The following EIF4G3 variants were observed in gnomAD, a reference collection of about 807,000 sequenced individuals.
EIF4G3 encodes eukaryotic translation initiation factor 4 gamma 3.
EIF4G3 carries 34 observed loss-of-function variants against 186.4 expected under a neutral mutation model. The ratio of observed to expected loss-of-function variants is 0.18; its 90% CI spans 0.14 to 0.24. The LOEUF is 0.24. Among genes scored for constraint, EIF4G3 ranks in the 10% least tolerant of loss-of-function variants. The probability of loss-of-function intolerance (pLI) is 1.00; values close to 1 mark genes in which losing one functional copy is unlikely to be tolerated. For synonymous variants in EIF4G3, 673 were observed against 679.5 expected (o/e 0.99, Z 0.15); for missense variants, 1,536 against 1,948.5 (o/e 0.79, Z 3.99).
rs1414242065 is a variant in EIF4G3, at chr1:21,129,183, C to T, written c.-271-39970G>A. On this transcript the variant is annotated intron_variant, in intron 2 of 36. Transcript: ENST00000602326. ...CAAAAAAATTAGCCAGGCGTGGTGG[C>T]GGGTGCCTGTAATCCCAGCTACTCC... 3.3e-5 allele frequency among the ~76,000 whole-genome samples: 5 copies of T among 152,042 alleles called. No individual in the cohort carries two copies. In the East Asian group the frequency reaches 5.8e-4, roughly 18 times the overall value.
chr1:21,078,173 T>C (rs764797929), intron 3 of EIF4G3, among the ~76,000 whole-genome samples: 3 of 152,234 alleles, frequency 2.0e-5, no homozygotes, highest in Non-Finnish European at 4.4e-5. Flanking sequence ...GCCACCCGTG[T>C]TTACTGTAGC....
chr1:21,112,198 T>G (rs2096738353), intron 2 of EIF4G3, among the ~76,000 whole-genome samples: 1 of 152,132 alleles, frequency 6.6e-6, no homozygotes, highest in East Asian at 1.9e-4. Context: ...AAAATATAAT[T>G]CTCTTCCTTC....
chr1:21,164,777 C>T (rs2097827660), intron 2 of EIF4G3, among the ~76,000 whole-genome samples: 1 of 151,700 alleles, frequency 6.6e-6, no homozygotes, highest in Non-Finnish European at 1.5e-5. Flanking sequence ...GGTGGGAGGG[C>T]TCCTTGAGCT....
At chr1:20,842,796 C>G (rs183607224) in intron 29 of EIF4G3, among the ~76,000 whole-genome samples, 1 of 151,690 alleles carries the variant, frequency 6.6e-6, no homozygotes, top group East Asian at 1.9e-4. Flanking sequence ...ACTTCCAGAA[C>G]GTTGCTTCTG....
At chr1:21,162,385 G>A (rs534351088) in intron 2 of EIF4G3, among the ~76,000 whole-genome samples, 167 of 150,924 alleles carry the variant, frequency 1.1e-3, no homozygotes, top group African/African-American at 3.8e-3. Context: ...GGAGGTGGAC[G>A]TTGCAGTGAA....
At chr1:20,934,577 G>C (rs1157895353) in intron 14 of EIF4G3, among the ~76,000 whole-genome samples, 1 of 152,132 alleles carries the variant, frequency 6.6e-6, no homozygotes, top group Non-Finnish European at 1.5e-5. Context: ...CTGCAGGTGA[G>C]TAGCACTGGG....
chr1:21,110,579 G>A (rs1384722364), intron 2 of EIF4G3, among the ~76,000 whole-genome samples: 1 of 152,142 alleles, frequency 6.6e-6, no homozygotes, highest in African/African-American at 2.4e-5. Flanking sequence ...ACAGGTGTGA[G>A]CCACCACGCC....
At chr1:21,033,813 C>G (rs889961894) in intron 4 of EIF4G3, among the ~76,000 whole-genome samples, 1 of 152,088 alleles carries the variant, frequency 6.6e-6, no homozygotes. Flanking sequence ...AAAGGCCACG[C>G]GTGATAGCTT....
chr1:20,907,375 T>C (rs1353571452), intron 14 of EIF4G3, among the ~76,000 whole-genome samples: 2 of 152,158 alleles, frequency 1.3e-5, no homozygotes, highest in African/African-American at 4.8e-5. Flanking sequence ...TTCCAGATTT[T>C]TGCAAATTTT....
rs540718166 is a variant in EIF4G3 at position 21,138,683 on chromosome 1, C to T, written c.-272+37492G>A. On this transcript the variant is annotated intron_variant, in intron 2 of 36. Coordinates refer to ENST00000602326, the MANE Select transcript of EIF4G3 (RefSeq NM_001391906.1). ...AAATATAGCCAGGCATGATGGCACA[C>T]GCCTGTAATCCCAGCTACTCAGGTG... Among the ~76,000 whole-genome samples, 64 of 152,098 alleles carry T rather than the reference C, an allele frequency of 4.2e-4. 1 individual carries two copies. Among genetic ancestry groups the T allele is most frequent in the African/African-American group, 1.5e-3 (62 of 41,524 alleles).
chr1:20,958,115 A>G (rs1455425150), intron 12 of EIF4G3, among the ~76,000 whole-genome samples: 7 of 152,182 alleles, frequency 4.6e-5, no homozygotes, highest in Admixed American at 4.6e-4. Flanking sequence ...CTACAGACCA[A>G]TTTCCATGAT....
intron 2 of EIF4G3, among the ~76,000 whole-genome samples, chr1:21,156,797 G>A (rs191304808): frequency 1.2e-4 from 19 of 152,196 alleles, no homozygotes; most frequent in South Asian, 4.2e-4. Flanking sequence ...AAATTAGGCC[G>A]GGCACAGTGG....
At chr1:20,873,657 T>C (rs867195370) in intron 20 of EIF4G3, among the ~76,000 whole-genome samples, 2 of 151,758 alleles carry the variant, frequency 1.3e-5, no homozygotes, top group African/African-American at 4.8e-5. Flanking sequence ...AGAACTATGG[T>C]TTATCTTTTC....
chr1:20,983,749 G>A (rs2078803391), intron 7 of EIF4G3, among the ~76,000 whole-genome samples: 1 of 152,152 alleles, frequency 6.6e-6, no homozygotes, highest in Admixed American at 6.5e-5. Context: ...CGTATCAAAT[G>A]AACACAGGTG....
At chr1:21,111,656 A>G in intron 2 of EIF4G3, 1 of 164,174 alleles carries the variant, frequency 6.1e-6, no homozygotes, top group South Asian at 1.5e-4. Flanking sequence ...ATATATACAT[A>G]TCATGACATA....
At chr1:21,169,203 C>A (rs1360977170) in intron 2 of EIF4G3, among the ~76,000 whole-genome samples, 1 of 151,476 alleles carries the variant, frequency 6.6e-6, no homozygotes, top group African/African-American at 2.4e-5. Context: ...GTAATCCCAG[C>A]ACCTTGGGAG....
intron 4 of EIF4G3, among the ~76,000 whole-genome samples, chr1:21,027,602 C>A (rs1443592646): frequency 6.6e-6 from 1 of 151,838 alleles, no homozygotes; most frequent in African/African-American, 2.4e-5. Context: ...TGCACTTCAA[C>A]TTGGGCAACA....
intron 4 of EIF4G3, among the ~76,000 whole-genome samples, chr1:21,020,204 C>T (rs1047225295): frequency 6.6e-6 from 1 of 152,044 alleles, no homozygotes; most frequent in Non-Finnish European, 1.5e-5. Context: ...GACCAATTTG[C>T]GGGGCCAGGC....
intron 7 of EIF4G3, among the ~76,000 whole-genome samples, chr1:20,994,031 C>T (rs1473474335): frequency 6.6e-6 from 1 of 152,174 alleles, no homozygotes; most frequent in Non-Finnish European, 1.5e-5. Context: ...ATGGGAAATG[C>T]TGTCATTTCC....
Sources: allele counts gnomAD v4.1 joint callset (sites outside exome capture counted in the v4.1 genomes callset), GRCh38; gene constraint gnomAD v4.1.1; transcripts MANE v1.5; gene names NCBI Gene and HGNC (gene_info 2026-07-23, HGNC 2026-07-21).